OPCML: variants seen among roughly 807,000 people sequenced by gnomAD.
The protein encoded by OPCML is opioid binding protein/cell adhesion molecule like, also known as opioid-binding protein/cell adhesion molecule.
Under a neutral mutation model 37.8 loss-of-function variants are expected in OPCML, and 13 were observed. The ratio of observed to expected loss-of-function variants is 0.34; its 90% CI spans 0.22 to 0.55. OPCML has a LOEUF of 0.55. Among genes scored for constraint, OPCML ranks in the 20% least tolerant of loss-of-function variants. The pLI, the probability that OPCML is intolerant of heterozygous loss-of-function variation, is 0.91. For synonymous variants in OPCML, 176 were observed against 168.8 expected (o/e 1.04, Z -0.33); for missense variants, 341 against 435.6 (o/e 0.78, Z 1.93).
chr11:133,237,172 T>A, intron 1 of OPCML, among the ~76,000 whole-genome samples: 1 of 152,208 alleles, frequency 6.6e-6, no homozygotes, highest in East Asian at 1.9e-4. Flanking sequence ...TTTCCACTCT[T>A]GCTTCTTGTT....
chr11:133,368,825 C>A (rs1030708473), intron 1 of OPCML, among the ~76,000 whole-genome samples: 2 of 152,196 alleles, frequency 1.3e-5, no homozygotes, highest in Non-Finnish European at 2.9e-5. Flanking sequence ...TGAGGCACTT[C>A]CTACCCAGCA....
At chr11:133,356,316 G>A (rs1254348677) in intron 1 of OPCML, among the ~76,000 whole-genome samples, 1 of 152,208 alleles carries the variant, frequency 6.6e-6, no homozygotes, top group East Asian at 1.9e-4. Context: ...ATGTTCCGCA[G>A]TTTATGCTCT....
At chr11:132,612,465 C>T (rs1938711475) in intron 3 of OPCML, among the ~76,000 whole-genome samples, 1 of 152,142 alleles carries the variant, frequency 6.6e-6, no homozygotes, top group African/African-American at 2.4e-5. Flanking sequence ...GACTGTGAAA[C>T]CTGTTTTATC....
intron 3 of OPCML, among the ~76,000 whole-genome samples, chr11:132,553,731 C>G (rs73034692): frequency 6.6e-6 from 1 of 152,074 alleles, no homozygotes; most frequent in Non-Finnish European, 1.5e-5. Context: ...TTCACTCATT[C>G]GGAACATCTC....
intron 2 of OPCML, among the ~76,000 whole-genome samples, chr11:132,736,300 C>A (rs1945255382): frequency 6.6e-6 from 1 of 152,224 alleles, no homozygotes; most frequent in South Asian, 2.1e-4. Context: ...GAAGGACCAT[C>A]ATCCTCACCT....
rs1325114107 is a variant in OPCML, at chr11:133,528,109, G to C, written c.61+4155C>G. On this transcript the variant is annotated intron_variant, in intron 1 of 7. Coordinates refer to ENST00000524381, the MANE Select transcript of OPCML (RefSeq NM_001012393.5). ...AAAGCACAAAGGCAGACAGGACCGA[G>C]GGAACATGGGAGAACCTCAAGCCCG... Among the ~76,000 whole-genome samples the C allele has an allele frequency of 2.6e-5, 4 of 152,248 alleles. No homozygotes were observed. The South Asian group carries it at 8.3e-4, about 31-fold the overall frequency.
At chr11:132,666,667 C>T (rs1942237322) in intron 2 of OPCML, among the ~76,000 whole-genome samples, 1 of 152,172 alleles carries the variant, frequency 6.6e-6, no homozygotes. Flanking sequence ...AGAAGAAAAA[C>T]TAGGTACAAG....
chr11:132,657,546 G>A, intron 2 of OPCML: 1 of 468,142 alleles, frequency 2.1e-6, no homozygotes, highest in Non-Finnish European at 2.8e-6. Flanking sequence ...TTGACTTCGA[G>A]ACATATTATG....
At chr11:133,436,622 A>G (rs1946239030) in intron 1 of OPCML, among the ~76,000 whole-genome samples, 2 of 152,192 alleles carry the variant, frequency 1.3e-5, no homozygotes, top group South Asian at 4.1e-4. Context: ...GTCCTGTATC[A>G]AGGACTAACT....
intron 1 of OPCML, among the ~76,000 whole-genome samples, chr11:133,463,786 A>T (rs1228797752): frequency 6.6e-6 from 1 of 152,182 alleles, no homozygotes; most frequent in African/African-American, 2.4e-5. Flanking sequence ...AAAAAGTTTT[A>T]AAAAATTAAA....
intron 1 of OPCML, among the ~76,000 whole-genome samples, chr11:133,431,334 A>G (rs552993478): frequency 6.6e-6 from 1 of 152,324 alleles, no homozygotes; most frequent in Non-Finnish European, 1.5e-5. Flanking sequence ...ATCTCAATTT[A>G]TATATATAAT....
chr11:133,238,494 T>A (rs189706174), intron 1 of OPCML, among the ~76,000 whole-genome samples: 2 of 152,380 alleles, frequency 1.3e-5, no homozygotes, highest in African/African-American at 4.8e-5. Flanking sequence ...TTCTATTTTT[T>A]AAAACGTGAT....
intron 1 of OPCML, among the ~76,000 whole-genome samples, chr11:133,086,287 C>G (rs866546754): frequency 6.6e-6 from 1 of 152,002 alleles, no homozygotes; most frequent in African/African-American, 2.4e-5. Flanking sequence ...TAATTATTTT[C>G]CCCCATTTTA....
At chr11:132,557,991 A>C (rs2137477236) in intron 3 of OPCML, among the ~76,000 whole-genome samples, 1 of 150,044 alleles carries the variant, frequency 6.7e-6, no homozygotes, top group East Asian at 2.2e-4. Context: ...GAAGACACAC[A>C]TGCTCACACA....
intron 1 of OPCML, among the ~76,000 whole-genome samples, chr11:133,304,645 A>C (rs778966361): frequency 7.9e-5 from 12 of 152,176 alleles, no homozygotes; most frequent in Non-Finnish European, 1.6e-4. Flanking sequence ...AAAGTGTGAA[A>C]ACATGGAATA....
At chr11:133,219,942 C>T (rs1377687142) in intron 1 of OPCML, among the ~76,000 whole-genome samples, 5 of 152,214 alleles carry the variant, frequency 3.3e-5, no homozygotes, top group Non-Finnish European at 7.3e-5. Flanking sequence ...AAACTGCTCA[C>T]TGCTCATGCC....
In OPCML at chr11:133,098,772, G is replaced by A. The variant is rs150044394; in HGVS notation, c.62-155762C>T. 2.8e-4 allele frequency among the ~76,000 whole-genome samples: 42 copies of A among 152,234 alleles called. No individual in the cohort carries two copies. In the East Asian group the frequency reaches 7.9e-3, roughly 29 times the overall value. ...CTAAAATTAAGAATAAGTCAGAGAT[G>A]TTTCCTCTCACCACTGCTTTTCATC... On this transcript the variant is annotated intron_variant, in intron 1 of 7. Coordinates refer to ENST00000524381, the MANE Select transcript of OPCML (RefSeq NM_001012393.5).
chr11:133,013,180 T>C (rs954797637), intron 1 of OPCML, among the ~76,000 whole-genome samples: 1 of 152,220 alleles, frequency 6.6e-6, no homozygotes, highest in East Asian at 1.9e-4. Flanking sequence ...GTGGGCTCTG[T>C]TTTACAGAGA....
intron 1 of OPCML, among the ~76,000 whole-genome samples, chr11:133,270,497 A>C (rs758217390): frequency 1.3e-5 from 2 of 152,198 alleles, no homozygotes; most frequent in Non-Finnish European, 2.9e-5. Context: ...TGTTTTAGGA[A>C]AGAAATACTA....
Sources: gnomAD v4.1 joint callset for allele counts (sites outside exome capture counted in the v4.1 genomes callset) on GRCh38, gnomAD v4.1.1 for gene constraint, MANE v1.5 for transcripts, NCBI Gene and HGNC (gene_info 2026-07-23, HGNC 2026-07-21) for gene names.